KIF26A: variants seen among roughly 807,000 people sequenced by gnomAD.
KIF26A encodes kinesin family member 26A.
In KIF26A, 74 loss-of-function variants were observed where a neutral mutation model predicts 126.0. That is an observed-to-expected ratio of 0.59 (90% CI 0.49 to 0.71). KIF26A has a LOEUF of 0.71. Ranked by LOEUF, KIF26A falls within the 30% of genes least tolerant of loss-of-function variation. The pLI is 0.00. For synonymous variants in KIF26A, 1,445 were observed against 1,232.7 expected (o/e 1.17, Z -3.61); for missense variants, 2,984 against 2,763.3 (o/e 1.08, Z -1.79).
rs1488507805 is a variant in KIF26A at position 104,166,813 on chromosome 14, G to A, written c.924-46G>A. 4.1e-6 allele frequency: 6 copies of A among 1,477,266 alleles called. No homozygotes were observed. The South Asian group carries it at 7.9e-5, about 19-fold the overall frequency. The allele number at this position is 1,477,266 out of a possible 1,614,324, so 91.5% of individuals were successfully genotyped here. ...GACTCGCAGGCGGGTGACAGGAACA[G>A]CTGCTGTCACCCACCACTGATCCTG... On this transcript the variant is annotated intron_variant, in intron 4 of 14. Coordinates refer to ENST00000423312, the MANE Select transcript of KIF26A (RefSeq NM_015656.2).
chr14:104,178,739 G>A lies in KIF26A; in HGVS notation c.5300G>A (p.Arg1767Lys). ...CTTCAGCGGCCCCGCCCCACCCCGA[G>A]GGAGGCCCCCACCCAGGTAGGGCCT... ...ERLQRPRPTPREAPTQGLACV... is the reference protein window; with the variant it reads ...ERLQRPRPTPKEAPTQGLACV... The change falls in exon 13 of 15, where the codon AGG becomes AAG. Residue 1767 changes from arginine to lysine, a missense_variant. Coordinates refer to ENST00000423312, the MANE Select transcript of KIF26A (RefSeq NM_015656.2). The A allele has an allele frequency of 6.5e-7, 1 of 1,537,728 alleles. No individual in the cohort carries two copies. The highest frequency in any genetic ancestry group is 1.2e-5 in the South Asian group (1 of 83,498).
chr14:104,166,022 C>T (rs1352996859), intron 4 of KIF26A, among the ~76,000 whole-genome samples: 1 of 152,110 alleles, frequency 6.6e-6, no homozygotes, highest in Non-Finnish European at 1.5e-5. Flanking sequence ...CTGGGAGTTC[C>T]CTGGGGGCAC....
chr14:104,167,583 C>G (rs939604024), intron 5 of KIF26A, among the ~76,000 whole-genome samples: 1 of 152,100 alleles, frequency 6.6e-6, no homozygotes, highest in Non-Finnish European at 1.5e-5. Flanking sequence ...TCCTGGCTGT[C>G]CCTGGAGCTC....
At position 104,176,734 on chromosome 14, in the gene KIF26A, A is replaced by G; in HGVS notation, c.3946A>G (p.Thr1316Ala). 6.3e-7 allele frequency: 1 copy of G among 1,587,310 alleles called. No individual in the cohort carries two copies. The highest frequency in any genetic ancestry group is 1.1e-5 in the South Asian group (1 of 88,014). The change falls in exon 12 of 15, where the codon ACA becomes GCA. Residue 1316 changes from threonine (T) to alanine (A), a missense_variant. Physicochemically the swap from Thr to Ala is moderately conservative, Grantham distance 58. Coordinates refer to ENST00000423312, the MANE Select transcript of KIF26A (RefSeq NM_015656.2). ...GAGGGGTGCCACCACGCTGGGTGTG[A>G]CAACGCCAGCTGTGTCCTGGGGAGA... The part of the protein sequence containing the change: ...LRRGATTLGV[T>A]TPAVSWGDAP...
rs1328186269 is a variant in KIF26A at position 104,179,275 on chromosome 14, C to T, written c.5356C>T (p.Arg1786Cys). 31 of 1,527,592 alleles carry T rather than the reference C, an allele frequency of 2.0e-5. No individual in the cohort carries two copies. Among genetic ancestry groups the T allele is most frequent in the African/African-American group, 4.1e-5 (3 of 72,500 alleles). 94.6% of individuals were successfully genotyped at this position (1,527,592 alleles called of 1,614,324 possible). A position where few individuals can be genotyped will look rare whatever the true frequency, so the allele number is the denominator to read the frequency against. The change falls in exon 14 of 15, where the codon CGC becomes TGC. Residue 1786 changes from arginine to cysteine, a missense_variant. Coordinates refer to ENST00000423312, the MANE Select transcript of KIF26A (RefSeq NM_015656.2). ...CAGTACAAGGCTGCGGCTGGCGGAG[C>T]GCAGGCAGCAGCGGCTGCGGGAGGT... ...CVSTRLRLAE[R>C]RQQRLREVQA...
In KIF26A at chr14:104,175,422, C is replaced by T. The variant is rs750794857; in HGVS notation, c.2634C>T (p.Pro878=). The change falls in exon 12 of 15, where the codon CCC becomes CCT. Residue 878 remains proline, a synonymous_variant. Coordinates refer to ENST00000423312, the MANE Select transcript of KIF26A (RefSeq NM_015656.2). ...QASPARGGRK[P]SPPEAASPRK... Reference sequence around the variant, plus strand: ...GCCCCGCCCGAGGGGGCCGGAAGCCCTCGCCACCAGAGGCTGCATCCCCCA... The same window carrying T: ...GCCCCGCCCGAGGGGGCCGGAAGCCTTCGCCACCAGAGGCTGCATCCCCCA... 6.3e-7 allele frequency: 1 copy of T among 1,593,402 alleles called. No individual in the cohort carries two copies. The highest frequency in any genetic ancestry group is 1.1e-5 in the South Asian group (1 of 89,514).
rs2141120283 is a variant in KIF26A at position 104,177,243 on chromosome 14, C to G, written c.4455C>G (p.Ala1485=). The change falls in exon 12 of 15, where the codon GCC becomes GCG. Residue 1485 remains alanine (A), a synonymous_variant. Transcript: ENST00000423312. The part of the protein sequence containing the change: ...GPAPACRSGA[A]KAVGAPKPPV... Reference sequence around the variant, plus strand: ...CTCCCGCCTGTAGGAGCGGCGCAGCCAAGGCTGTGGGGGCCCCCAAGCCCC... The same window carrying G: ...CTCCCGCCTGTAGGAGCGGCGCAGCGAAGGCTGTGGGGGCCCCCAAGCCCC... 5 of 1,597,132 alleles carry G rather than the reference C, an allele frequency of 3.1e-6. No individual in the cohort carries two copies. Among genetic ancestry groups the G allele is most frequent in the Non-Finnish European group, 4.3e-6 (5 of 1,175,576 alleles).
chr14:104,162,225 C>T (rs140607923), intron 4 of KIF26A, among the ~76,000 whole-genome samples: 9 of 152,236 alleles, frequency 5.9e-5, no homozygotes, highest in East Asian at 5.8e-4. Flanking sequence ...AGCCTGTTGG[C>T]GATGGGCCCC....
intron 4 of KIF26A, among the ~76,000 whole-genome samples, chr14:104,165,901 C>T (rs539724883): frequency 1.3e-5 from 2 of 152,052 alleles, no homozygotes; most frequent in African/African-American, 4.8e-5. Flanking sequence ...GAGTCCACCC[C>T]AGTGGCTCCC....
chr14:104,155,134 T>C (rs1429828021), intron 3 of KIF26A, among the ~76,000 whole-genome samples: 1 of 152,194 alleles, frequency 6.6e-6, no homozygotes, highest in Non-Finnish European at 1.5e-5. Flanking sequence ...AGAGTTCGGC[T>C]CTGAGCCTCC....
Position 104,177,169 on chromosome 14 carries a change from GC to G in KIF26A, c.4382del (p.Ala1461ValfsTer43). 2 of 1,597,314 alleles carry G rather than the reference GC, an allele frequency of 1.3e-6. No homozygotes were observed. Among genetic ancestry groups the G allele is most frequent in the African/African-American group, 2.7e-5 (2 of 75,002 alleles). On this transcript the variant is annotated frameshift_variant, in exon 12 of 15. Transcript: ENST00000423312. LOFTEE classifies it high-confidence loss of function. ...GGAAGCCCCTGGGCGGCCTCCCCGG[GC>G]TGTACCCAAGCTGGGTGTGCCACCC... Reference protein sequence around the residue: ...GREAPGRPPRAVPKLGVPPSS... With the variant: ...GREAPGRPPRXVPKLGVPPSS...
Position 104,175,393 on chromosome 14 carries a change from G to C in KIF26A, c.2605G>C (p.Ala869Pro), listed in dbSNP as rs199506535. 904 of 1,596,872 alleles carry C rather than the reference G, an allele frequency of 5.7e-4. 1 individual carries two copies. Among genetic ancestry groups the C allele is most frequent in the Admixed American group, 7.2e-4 (43 of 59,376 alleles). The change falls in exon 12 of 15, where the codon GCC (alanine) becomes CCC (proline). Residue 869 changes from alanine (A) to proline (P), a missense_variant. Transcript: ENST00000423312. ...TCCAGGTGGCACCGACGGAGCTCAG[G>C]CCAGCCCCGCCCGAGGGGGCCGGAA... ...GGPGGTDGAQ[A>P]SPARGGRKPS...
chr14:104,159,439 C>A (rs1310393070), intron 4 of KIF26A, among the ~76,000 whole-genome samples: 2 of 152,202 alleles, frequency 1.3e-5, no homozygotes, highest in African/African-American at 4.8e-5. Flanking sequence ...GATGCTAAGC[C>A]CCCTGGTGCC....
chr14:104,168,530 G>T (rs2037928204), intron 5 of KIF26A, among the ~76,000 whole-genome samples: 1 of 152,170 alleles, frequency 6.6e-6, no homozygotes, highest in South Asian at 2.1e-4. Context: ...GCGGGTCCGG[G>T]TGGGGGCATC....
chr14:104,156,317 C>G (rs553017303), intron 3 of KIF26A, among the ~76,000 whole-genome samples: 1 of 152,204 alleles, frequency 6.6e-6, no homozygotes, highest in Non-Finnish European at 1.5e-5. Flanking sequence ...GAGGGCTGGC[C>G]GGGCTGGGTT....
At chr14:104,171,424 T>TCTTCTCACG (rs150460372) in intron 5 of KIF26A, among the ~76,000 whole-genome samples, 1,546 of 152,262 alleles carry the variant, frequency 0.01, 24 homozygotes, top group African/African-American at 0.035. Flanking sequence ...GCGGCTGTCC[T>TCTTCTCACG]CTTCTCACGG....
intron 2 of KIF26A, among the ~76,000 whole-genome samples, chr14:104,142,430 C>T (rs1596130733): frequency 6.6e-6 from 1 of 152,160 alleles, no homozygotes; most frequent in South Asian, 2.1e-4. Context: ...GAGCGGCCCC[C>T]TGTGGCCTGG....
intron 2 of KIF26A, among the ~76,000 whole-genome samples, chr14:104,144,343 G>A (rs922601442): frequency 7.2e-5 from 11 of 152,118 alleles, no homozygotes; most frequent in Non-Finnish European, 7.4e-5. Flanking sequence ...GAGTCTGGCC[G>A]TGGTCACATG....
chr14:104,175,071 T>G lies in KIF26A; in HGVS notation c.2283T>G (p.Thr761=). The G allele has an allele frequency of 2.5e-6, 4 of 1,591,310 alleles. No homozygotes were observed. The highest frequency in any genetic ancestry group is 3.4e-6 in the Non-Finnish European group (4 of 1,170,948). The change falls in exon 12 of 15, where the codon ACT becomes ACG. Residue 761 remains threonine (T), a synonymous_variant. Coordinates refer to ENST00000423312, the MANE Select transcript of KIF26A (RefSeq NM_015656.2). ...PPHLRPFHPR[T]VALDPDRTPP... ...ACCTGCGGCCCTTCCACCCACGCAC[T>G]GTGGCCCTGGACCCCGACCGCACGC...
Sources: allele counts gnomAD v4.1 joint callset (sites outside exome capture counted in the v4.1 genomes callset), GRCh38; gene constraint gnomAD v4.1.1; transcripts MANE v1.5; gene names NCBI Gene and HGNC (gene_info 2026-07-23, HGNC 2026-07-21).